Variants in ZCWPW2 observed in about 807,000 individuals in gnomAD.
ZCWPW2 encodes zinc finger CW-type PWWP domain protein 2.
Under a neutral mutation model 46.6 loss-of-function variants are expected in ZCWPW2, and 45 were observed. The observed-to-expected ratio is 0.96, with a 90% CI of 0.76 to 1.24. The LOEUF (loss-of-function observed/expected upper bound fraction) is 1.24. Ranked by LOEUF, ZCWPW2 falls within the 50% of genes most tolerant of loss-of-function variation. ZCWPW2 has a pLI of 0.00. For synonymous variants in ZCWPW2, 152 were observed against 137.1 expected, an observed-to-expected ratio of 1.11 and a Z score of -0.76; for missense variants, 429 against 403.9, an observed-to-expected ratio of 1.06 and a Z score of -0.53.
At chr3:28,484,770 C>G (rs1405592455) in intron 5 of ZCWPW2, among the ~76,000 whole-genome samples, 1 of 149,786 alleles carries the variant, frequency 6.7e-6, no homozygotes, top group Non-Finnish European at 1.5e-5. Context: ...GCCTTCCTGT[C>G]TTCCTTCTGT....
intron 4 of ZCWPW2, among the ~76,000 whole-genome samples, chr3:28,444,349 A>T (rs1697899363): frequency 6.6e-6 from 1 of 152,100 alleles, no homozygotes; most frequent in Non-Finnish European, 1.5e-5. Flanking sequence ...GAGAATCAAC[A>T]TTATTTTCCC....
chr3:28,380,970 A>ATAT (rs1559480732), intron 1 of ZCWPW2, among the ~76,000 whole-genome samples: 3 of 14,464 alleles, frequency 2.1e-4, no homozygotes, highest in Non-Finnish European at 3.5e-4. Context: ...ATATATATAT[A>ATAT]TTTGGTATAT....
chr3:28,391,353 C>CCACACACACACACACA (rs111706300), intron 2 of ZCWPW2, among the ~76,000 whole-genome samples: 1 of 148,650 alleles, frequency 6.7e-6, no homozygotes, highest in East Asian at 2.0e-4. Flanking sequence ...CCTCTCCCTG[C>CCACACACACACACACA]CACACACACA....
At position 28,486,869 on chromosome 3, in the gene ZCWPW2, GA is replaced by G. The variant is rs1275901336; in HGVS notation, c.611-5246del. On this transcript the variant is annotated intron_variant, in intron 5 of 9. Transcript: ENST00000383768. ...TACAGAGTGAGACCCTATTTCAAAA[GA>G]AAAAAAAAAAAGGTAATTTCAGAGT... Among the ~76,000 whole-genome samples, 721 of 135,160 alleles carry G rather than the reference GA, an allele frequency of 5.3e-3. 11 individuals carry two copies. Among genetic ancestry groups the G allele is most frequent in the African/African-American group, 0.017 (631 of 37,072 alleles). 88.7% of individuals were successfully genotyped at this position (135,160 alleles called of 152,430 possible). A position where few individuals can be genotyped will look rare whatever the true frequency, so the allele number is the denominator to read the frequency against.
intron 4 of ZCWPW2, among the ~76,000 whole-genome samples, chr3:28,459,175 C>T (rs1238680906): frequency 1.3e-5 from 2 of 152,028 alleles, no homozygotes; most frequent in African/African-American, 4.8e-5. Flanking sequence ...TTGAGACCAT[C>T]CTGGCTAACA....
chr3:28,413,363 G>T lies in ZCWPW2; in HGVS notation c.295G>T (p.Gly99Ter). Residue 99 changes from glycine to a stop codon, truncating the protein, a stop_gained, in exon 3 of 10, where the codon GGA (glycine) becomes TGA (stop). Coordinates refer to ENST00000383768, the MANE Select transcript of ZCWPW2 (RefSeq NM_001040432.4). LOFTEE classifies it high-confidence loss of function. ...GATTGTCTATTCACAGCTCCCTCTT[G>T]GAAGCCTGGTTTTGGTAAAATTACA... ...FKIVYSQLPL[G>*]SLVLVKLQNW... The T allele has an allele frequency of 6.2e-7, 1 of 1,609,916 alleles. No individual in the cohort carries two copies. Among genetic ancestry groups the T allele is most frequent in the Non-Finnish European group, 8.5e-7 (1 of 1,177,002 alleles).
intron 1 of ZCWPW2, among the ~76,000 whole-genome samples, chr3:28,359,771 T>C (rs1704872031): frequency 6.6e-6 from 1 of 152,144 alleles, no homozygotes; most frequent in Admixed American, 6.5e-5. Flanking sequence ...AAACATTCCC[T>C]TATGTAAGAG....
chr3:28,515,768 T>C, intron 8 of ZCWPW2, 147 bp downstream of exon 8: 1 of 564,510 alleles, frequency 1.8e-6, no homozygotes, highest in Non-Finnish European at 3.0e-6. Context: ...TACATGTGCG[T>C]ACATATGTAT....
At chr3:28,501,002 A>G (rs1700127982) in intron 6 of ZCWPW2, among the ~76,000 whole-genome samples, 1 of 152,180 alleles carries the variant, frequency 6.6e-6, no homozygotes, top group Non-Finnish European at 1.5e-5. Flanking sequence ...GACTTGAATC[A>G]TTCAGGTATT....
intron 4 of ZCWPW2, chr3:28,447,749 C>A: frequency 1.5e-6 from 1 of 661,942 alleles, no homozygotes; most frequent in Non-Finnish European, 2.8e-6. Context: ...GACATACCAT[C>A]GTAGGGTTTC....
Position 28,413,127 on chromosome 3 carries a change from C to T in ZCWPW2, c.59C>T (p.Ser20Leu), listed in dbSNP as rs924747046. ...IEYCNYAMDS[S>L]VENMYVNKVW... Reference sequence around the variant, plus strand: ...TATTGTAACTATGCAATGGATTCCTCAGTGGAAAACATGTATGTAAACAAA... The same window carrying T: ...TATTGTAACTATGCAATGGATTCCTTAGTGGAAAACATGTATGTAAACAAA... Residue 20 changes from serine (S) to leucine (L), a missense_variant, in exon 3 of 10, where the codon TCA (serine) becomes TTA (leucine). By Grantham distance (145) the Ser-to-Leu change is moderately radical. Coordinates refer to ENST00000383768, the MANE Select transcript of ZCWPW2 (RefSeq NM_001040432.4). 3 of 1,612,884 alleles carry T rather than the reference C, an allele frequency of 1.9e-6. No individual in the cohort carries two copies. Among genetic ancestry groups the T allele is most frequent in the Non-Finnish European group, 2.5e-6 (3 of 1,179,362 alleles).
At chr3:28,414,577 A>T (rs1696563292) in intron 3 of ZCWPW2, among the ~76,000 whole-genome samples, 2 of 145,090 alleles carry the variant, frequency 1.4e-5, no homozygotes, top group Non-Finnish European at 3.0e-5. Context: ...ATTTAGCGTT[A>T]GGTATATCTC....
Position 28,365,903 on chromosome 3 carries a change from G to C in ZCWPW2, c.-134+16700G>C, listed in dbSNP as rs1241340688. 7.1e-5 allele frequency among the ~76,000 whole-genome samples: 10 copies of C among 140,928 alleles called. 2 individuals are homozygous for C. Among genetic ancestry groups the C allele is most frequent in the Non-Finnish European group, 1.6e-4 (10 of 62,948 alleles). 92.5% of individuals were successfully genotyped at this position (140,928 alleles called of 152,430 possible). A position where few individuals can be genotyped will look rare whatever the true frequency, so the allele number is the denominator to read the frequency against. On this transcript the variant is annotated intron_variant, in intron 1 of 9. Transcript: ENST00000383768. ...GATTCCTAGGTATTTTATTCTCTTT[G>C]AAGCAATTGTGAATGGGAGTTCACT...
chr3:28,417,381 G>A (rs559751339), intron 3 of ZCWPW2, among the ~76,000 whole-genome samples: 1 of 151,842 alleles, frequency 6.6e-6, no homozygotes, highest in Non-Finnish European at 1.5e-5. Context: ...TAATAGTTTA[G>A]CAACCAAAAA....
chr3:28,504,962 A>G (rs1384182032), intron 6 of ZCWPW2, among the ~76,000 whole-genome samples: 2 of 152,184 alleles, frequency 1.3e-5, no homozygotes, highest in Non-Finnish European at 2.9e-5. Flanking sequence ...TCTGGTATAT[A>G]TAGTCAAAGA....
chr3:28,465,807 G>T (rs184987293), intron 4 of ZCWPW2, among the ~76,000 whole-genome samples: 1 of 152,072 alleles, frequency 6.6e-6, no homozygotes. Flanking sequence ...AGGAAAAAAC[G>T]ATTAAAAGCA....
intron 5 of ZCWPW2, among the ~76,000 whole-genome samples, chr3:28,483,561 A>G (rs1178568273): frequency 6.6e-6 from 1 of 152,198 alleles, no homozygotes; most frequent in Non-Finnish European, 1.5e-5. Context: ...TTGAATTTAT[A>G]TATCAAGTTG....
At chr3:28,385,334 A>G (rs1695232356) in intron 1 of ZCWPW2, among the ~76,000 whole-genome samples, 1 of 152,216 alleles carries the variant, frequency 6.6e-6, no homozygotes, top group African/African-American at 2.4e-5. Context: ...AAGTTCCATT[A>G]GAGGGATCTT....
intron 4 of ZCWPW2, among the ~76,000 whole-genome samples, chr3:28,447,112 C>T (rs979085035): frequency 1.3e-5 from 2 of 152,098 alleles, no homozygotes; most frequent in South Asian, 4.1e-4. Flanking sequence ...TCCTTCAAAT[C>T]CTACTTTTCC....
Sources: gnomAD v4.1 joint callset for allele counts (sites outside exome capture counted in the v4.1 genomes callset) on GRCh38, gnomAD v4.1.1 for gene constraint, MANE v1.5 for transcripts, NCBI Gene and HGNC (gene_info 2026-07-23, HGNC 2026-07-21) for gene names.